The following HSBP1 variants were observed in gnomAD, a reference collection of about 807,000 sequenced individuals.
HSBP1 encodes heat shock factor binding protein 1, also known as heat shock factor-binding protein 1.
HSBP1 carries 5 observed loss-of-function variants against 9.6 expected under a neutral mutation model. The observed-to-expected ratio is 0.52, with a 90% CI of 0.27 to 1.09. The LOEUF (loss-of-function observed/expected upper bound fraction) is 1.09, where lower values mean the gene tolerates loss of function less well. HSBP1 is among the 50% of genes least tolerant of loss of function. The pLI, the probability that HSBP1 is intolerant of heterozygous loss-of-function variation, is 0.11. For synonymous variants in HSBP1, 42 were observed against 33.3 expected (o/e 1.26, Z -0.90); for missense variants, 121 against 96.3 (o/e 1.26, Z -1.07).
chr16:83,814,657 A>C lies in HSBP1; in HGVS notation c.*3239A>C, dbSNP rs1904678732. 1 of 152,244 alleles carries C rather than the reference A, an allele frequency of 6.6e-6. No homozygotes were observed. Among genetic ancestry groups the C allele is most frequent in the Non-Finnish European group, 1.5e-5 (1 of 68,050 alleles). 9.4% of individuals were successfully genotyped at this position (152,244 alleles called of 1,614,324 possible). A position where few individuals can be genotyped will look rare whatever the true frequency, so the allele number is the denominator to read the frequency against. ...AAATTTACTTTCAAAAGGCTGATGG[A>C]GTGTTTTCAATTAAACATGACCTAA... On this transcript the variant is annotated 3_prime_UTR_variant, in exon 4 of 4. Coordinates refer to ENST00000433866, the MANE Select transcript of HSBP1 (RefSeq NM_001537.4).
In HSBP1 at chr16:83,808,033, A is replaced by C; in HGVS notation, c.-44A>C. 6.7e-7 allele frequency: 1 copy of C among 1,491,468 alleles called. No individual in the cohort carries two copies. The allele number at this position is 1,491,468 out of a possible 1,614,324, so 92.4% of individuals were successfully genotyped here. A position where few individuals can be genotyped will look rare whatever the true frequency, so the allele number is the denominator to read the frequency against. On this transcript the variant is annotated 5_prime_UTR_variant, in exon 1 of 4. Transcript: ENST00000433866. ...CGACTGAGCGGACAAACGGAAGTGTAGGTTACGGTCTGAGACATCACCGCC... is the reference window on the plus strand; with the variant it reads ...CGACTGAGCGGACAAACGGAAGTGTCGGTTACGGTCTGAGACATCACCGCC...
At chr16:83,808,837 G>A in intron 2 of HSBP1, 91 bp downstream of exon 2, 2 of 895,912 alleles carry the variant, frequency 2.2e-6, no homozygotes, top group Non-Finnish European at 3.5e-6. Flanking sequence ...TTTCAGGCTA[G>A]CTTCAGCCAT....
At position 83,818,164 on chromosome 16, in the gene HSBP1, T is replaced by G. The variant is rs1904763211; in HGVS notation, c.*6746T>G. 6.6e-6 allele frequency: 1 copy of G among 152,192 alleles called. No homozygotes were observed. Among genetic ancestry groups the G allele is most frequent in the Non-Finnish European group, 1.5e-5 (1 of 68,034 alleles). 9.4% of individuals were successfully genotyped at this position (152,192 alleles called of 1,614,324 possible). A position where few individuals can be genotyped will look rare whatever the true frequency, so the allele number is the denominator to read the frequency against. ...CCCAGGGCTCGGTTTCCTATCAGAATCCTTGTCTGGAAGGTTGATTATATC... is the reference window on the plus strand; with the variant it reads ...CCCAGGGCTCGGTTTCCTATCAGAAGCCTTGTCTGGAAGGTTGATTATATC... On this transcript the variant is annotated 3_prime_UTR_variant, in exon 4 of 4. Coordinates refer to ENST00000433866, the MANE Select transcript of HSBP1 (RefSeq NM_001537.4).
intron 2 of HSBP1, 113 bp from the exon 3 acceptor site, chr16:83,809,192 A>C (rs1033734363): frequency 1.4e-6 from 1 of 691,250 alleles, no homozygotes; most frequent in Non-Finnish European, 2.5e-6. Flanking sequence ...GTGTCGAAAG[A>C]AAATTGGAAG....
chr16:83,809,026 C>G, intron 2 of HSBP1: 1 of 551,082 alleles, frequency 1.8e-6, no homozygotes, highest in Non-Finnish European at 3.2e-6. Context: ...TTTTGATGCT[C>G]AGCATGACCT....
chr16:83,819,098 C>T lies in HSBP1; in HGVS notation c.*7680C>T, dbSNP rs148826973. 3 of 151,846 alleles carry T rather than the reference C, an allele frequency of 2.0e-5. No homozygotes were observed. Among genetic ancestry groups the T allele is most frequent in the South Asian group, 2.1e-4 (1 of 4,800 alleles). The allele number at this position is 151,846 out of a possible 1,614,324, so 9.4% of individuals were successfully genotyped here. A position where few individuals can be genotyped will look rare whatever the true frequency, so the allele number is the denominator to read the frequency against. On this transcript the variant is annotated 3_prime_UTR_variant, in exon 4 of 4. Coordinates refer to ENST00000433866, the MANE Select transcript of HSBP1 (RefSeq NM_001537.4). Reference sequence around the variant, plus strand: ...GGGCCTTCGGGCATCAACCTTGGGGCGAGGGTGTTGGGTTGCCCAACACCC... The same window carrying T: ...GGGCCTTCGGGCATCAACCTTGGGGTGAGGGTGTTGGGTTGCCCAACACCC...
rs1293890697 is a variant in HSBP1 at position 83,815,716 on chromosome 16, TATG to T, written c.*4299_*4301del. ...AACAGAGCTTCATTTTACCAAAGCATATGTAGACACCACATACATGAACTACAT... is the reference window on the plus strand; with the variant it reads ...AACAGAGCTTCATTTTACCAAAGCATTAGACACCACATACATGAACTACAT... On this transcript the variant is annotated 3_prime_UTR_variant, in exon 4 of 4. Transcript: ENST00000433866. The T allele has an allele frequency of 5.9e-5, 9 of 152,208 alleles. No homozygotes were observed. The highest frequency in any genetic ancestry group is 1.5e-5 in the Non-Finnish European group (1 of 68,032). The allele number at this position is 152,208 out of a possible 1,614,324, so 9.4% of individuals were successfully genotyped here.
rs573942578 is a variant in HSBP1, at chr16:83,808,843, G to T, written c.112+97G>T. ...ATGAGTAGTTTTCAGGCTAGCTTCAGCCATTCACTTGTAGAATTTGAGCTT... is the reference window on the plus strand; with the variant it reads ...ATGAGTAGTTTTCAGGCTAGCTTCATCCATTCACTTGTAGAATTTGAGCTT... On this transcript the variant is annotated intron_variant, in intron 2 of 3. Coordinates refer to ENST00000433866, the MANE Select transcript of HSBP1 (RefSeq NM_001537.4). 8.4e-5 allele frequency: 72 copies of T among 853,770 alleles called. 1 individual carries two copies. The Middle Eastern group carries it at 8.9e-3, about 105-fold the overall frequency. The allele number at this position is 853,770 out of a possible 1,614,324, so 52.9% of individuals were successfully genotyped here.
chr16:83,807,994 G>A lies in HSBP1; in HGVS notation c.-83G>A, dbSNP rs975899477. The stretch of plus-strand genomic sequence containing the variant: ...CGAGCTGCCAGTCTCGTCGCGAGAA[G>A]CAGCGGCCCGGGGCGACTGAGCGGA... On this transcript the variant is annotated 5_prime_UTR_variant, in exon 1 of 4. Transcript: ENST00000433866. 8 of 1,273,950 alleles carry A rather than the reference G, an allele frequency of 6.3e-6. No homozygotes were observed. Among genetic ancestry groups the A allele is most frequent in the Non-Finnish European group, 6.4e-6 (6 of 931,778 alleles). The allele number at this position is 1,273,950 out of a possible 1,614,324, so 78.9% of individuals were successfully genotyped here.
At chr16:83,810,179 T>A (rs1051111224) in intron 3 of HSBP1, among the ~76,000 whole-genome samples, 1 of 152,068 alleles carries the variant, frequency 6.6e-6, no homozygotes, top group Non-Finnish European at 1.5e-5. Flanking sequence ...CTGGAGACTT[T>A]CTTGGTAACT....
At position 83,809,166 on chromosome 16, in the gene HSBP1, C is replaced by T. The variant is rs1904536906; in HGVS notation, c.113-139C>T. The T allele has an allele frequency of 9.6e-6, 6 of 624,692 alleles. No individual in the cohort carries two copies. In the South Asian group the frequency reaches 9.8e-5, roughly 10 times the overall value. The allele number at this position is 624,692 out of a possible 1,614,324, so 38.7% of individuals were successfully genotyped here. ...ATGCCCCACAGTCCTGTACTCTTAC[C>T]CACCAGCGTGTAACAGTGTCGAAAG... On this transcript the variant is annotated intron_variant, in intron 2 of 3. Coordinates refer to ENST00000433866, the MANE Select transcript of HSBP1 (RefSeq NM_001537.4).
chr16:83,816,623 T>G lies in HSBP1; in HGVS notation c.*5205T>G, dbSNP rs942387835. 1 of 152,168 alleles carries G rather than the reference T, an allele frequency of 6.6e-6. No homozygotes were observed. Among genetic ancestry groups the G allele is most frequent in the African/African-American group, 2.4e-5 (1 of 41,428 alleles). 9.4% of individuals were successfully genotyped at this position (152,168 alleles called of 1,614,324 possible). A position where few individuals can be genotyped will look rare whatever the true frequency, so the allele number is the denominator to read the frequency against. The stretch of plus-strand genomic sequence containing the variant: ...TTGAGCCATGTGGTTCTTGTTTTTT[T>G]GTTGTCACAACTCAGGTTGGGGGTG... On this transcript the variant is annotated 3_prime_UTR_variant, in exon 4 of 4. Coordinates refer to ENST00000433866, the MANE Select transcript of HSBP1 (RefSeq NM_001537.4).
In HSBP1 at chr16:83,819,443, G is replaced by A. The variant is rs1423309200; in HGVS notation, c.*8025G>A. On this transcript the variant is annotated 3_prime_UTR_variant, in exon 4 of 4. Transcript: ENST00000433866. ...CAGAACGTCCACGCTCTAGGACCTAGTGTGACCTCTTCTGCCTTCTGAACC... is the reference window on the plus strand; with the variant it reads ...CAGAACGTCCACGCTCTAGGACCTAATGTGACCTCTTCTGCCTTCTGAACC... The A allele has an allele frequency of 1.3e-5, 2 of 152,154 alleles. 1 individual carries two copies. 9.4% of individuals were successfully genotyped at this position (152,154 alleles called of 1,614,324 possible). A position where few individuals can be genotyped will look rare whatever the true frequency, so the allele number is the denominator to read the frequency against.
At chr16:83,809,909 G>C (rs1169416977) in intron 3 of HSBP1, among the ~76,000 whole-genome samples, 2 of 152,118 alleles carry the variant, frequency 1.3e-5, no homozygotes, top group Non-Finnish European at 2.9e-5. Context: ...TTGATGTTTT[G>C]AAATTTTTCA....
intron 1 of HSBP1, 78 bp from the exon 2 acceptor site, chr16:83,808,602 C>G: frequency 8.7e-7 from 1 of 1,146,196 alleles, no homozygotes; most frequent in Non-Finnish European, 1.3e-6. Flanking sequence ...AACCCCGGGA[C>G]CAGGGCTTGC....
At position 83,817,666 on chromosome 16, in the gene HSBP1, C is replaced by G. The variant is rs1234278795; in HGVS notation, c.*6248C>G. On this transcript the variant is annotated 3_prime_UTR_variant, in exon 4 of 4. Transcript: ENST00000433866. ...TAAGTGTTTACAGAAAGAAACTTTA[C>G]ATATTAAATATCTTAAAGGTCTTTT... The G allele has an allele frequency of 6.6e-6, 1 of 152,182 alleles. No individual in the cohort carries two copies. Among genetic ancestry groups the G allele is most frequent in the Admixed American group, 6.5e-5 (1 of 15,278 alleles). 9.4% of individuals were successfully genotyped at this position (152,182 alleles called of 1,614,324 possible).
rs1300321135 is a variant in HSBP1, at chr16:83,813,384, C to T, written c.*1966C>T. ...ACCTGCTAGTTTTCGAGGTCTCGCT[C>T]TGTTGCCCAGGCTGGAGTGCAGTGG... On this transcript the variant is annotated 3_prime_UTR_variant, in exon 4 of 4. Coordinates refer to ENST00000433866, the MANE Select transcript of HSBP1 (RefSeq NM_001537.4). 1 of 152,754 alleles carries T rather than the reference C, an allele frequency of 6.5e-6. No individual in the cohort carries two copies. Among genetic ancestry groups the T allele is most frequent in the African/African-American group, 2.4e-5 (1 of 41,600 alleles). 9.5% of individuals were successfully genotyped at this position (152,754 alleles called of 1,614,324 possible).
intron 2 of HSBP1, 73 bp from the exon 3 acceptor site, chr16:83,809,232 G>C: frequency 1.1e-6 from 1 of 933,500 alleles, no homozygotes; most frequent in South Asian, 1.4e-5. Flanking sequence ...TTGTGTTTAA[G>C]GCTGTAGTCT....
At chr16:83,809,763 CG>C (rs1190113372) in intron 3 of HSBP1, among the ~76,000 whole-genome samples, 19 of 151,960 alleles carry the variant, frequency 1.3e-4, no homozygotes, top group Admixed American at 1.0e-3. Context: ...CCGCCGTGCC[CG>C]GTCTTTTTTT....
Sources: allele counts gnomAD v4.1 joint callset (sites outside exome capture counted in the v4.1 genomes callset), GRCh38; gene constraint gnomAD v4.1.1; transcripts MANE v1.5; gene names NCBI Gene and HGNC (gene_info 2026-07-23, HGNC 2026-07-21).